Variants in NAV3 observed in about 807,000 individuals in gnomAD.
NAV3 encodes the protein pore membrane and/or filament interacting like protein 1.
In NAV3, 87 loss-of-function variants were observed where a neutral mutation model predicts 244.7. The observed-to-expected ratio is 0.36, with a 90% confidence interval of 0.30 to 0.42. The LOEUF is 0.42. Among genes scored for constraint, NAV3 ranks in the 20% least tolerant of loss-of-function variants. The probability of loss-of-function intolerance (pLI) is 1.00; values close to 1 mark genes in which losing one functional copy is unlikely to be tolerated. For synonymous variants in NAV3, 1,126 were observed against 1,042.2 expected (o/e 1.08, Z -1.55); for missense variants, 2,663 against 2,893.3 (o/e 0.92, Z 1.83).
intron 9 of NAV3, among the ~76,000 whole-genome samples, chr12:78,046,956 T>C (rs751183345): frequency 6.6e-6 from 1 of 152,230 alleles, no homozygotes; most frequent in Non-Finnish European, 1.5e-5. Flanking sequence ...TAGCTTTTCT[T>C]GTTGCATTGA....
chr12:78,086,055 T>TGTATCCTTTC (rs1953619155), intron 12 of NAV3, among the ~76,000 whole-genome samples: 8 of 152,088 alleles, frequency 5.3e-5, no homozygotes, highest in Non-Finnish European at 7.4e-5. Context: ...TTGGGTAAGT[T>TGTATCCTTTC]ACTTCACTTC....
chr12:78,018,860 G>A (rs1047074011), intron 8 of NAV3, among the ~76,000 whole-genome samples: 2 of 152,074 alleles, frequency 1.3e-5, no homozygotes, highest in African/African-American at 2.4e-5. Flanking sequence ...GAGACAATAG[G>A]TTAGGCAAGA....
chr12:77,851,003 A>G (rs1298928082), intron 1 of NAV3, among the ~76,000 whole-genome samples: 4 of 152,182 alleles, frequency 2.6e-5, no homozygotes, highest in Non-Finnish European at 4.4e-5. Flanking sequence ...ACACATAAGA[A>G]CTTTTGGATT....
At chr12:77,711,470 A>G (rs1876109478) in intron 2 of NAV3, among the ~76,000 whole-genome samples, 2 of 152,178 alleles carry the variant, frequency 1.3e-5, no homozygotes, top group Admixed American at 6.5e-5. Flanking sequence ...TAATCTCTTT[A>G]TTGCTGAAAA....
At chr12:77,721,833 T>C (rs916815009) in intron 2 of NAV3, among the ~76,000 whole-genome samples, 2 of 152,052 alleles carry the variant, frequency 1.3e-5, no homozygotes, top group African/African-American at 4.8e-5. Context: ...GTAAAATACA[T>C]GTGTCATTAT....
At chr12:77,821,153 G>A (rs1303240004) in intron 2 of NAV3, among the ~76,000 whole-genome samples, 18 of 151,636 alleles carry the variant, frequency 1.2e-4, no homozygotes, top group Admixed American at 1.2e-3. Flanking sequence ...GTAAAATGCT[G>A]CATGATCTGA....
chr12:78,027,193 T>C (rs143651555), intron 9 of NAV3, among the ~76,000 whole-genome samples: 1 of 152,028 alleles, frequency 6.6e-6, no homozygotes, highest in East Asian at 1.9e-4. Context: ...AGCAGCACTT[T>C]AGGAGACCAA....
intron 2 of NAV3, among the ~76,000 whole-genome samples, chr12:77,700,695 A>G (rs1875522548): frequency 6.6e-6 from 1 of 151,940 alleles, no homozygotes. Flanking sequence ...GTTTTTAATG[A>G]ATGTTCTTTC....
chr12:78,095,075 A>ATATATATATATATATATATATG (rs1566123706), intron 12 of NAV3, among the ~76,000 whole-genome samples: 48 of 146,916 alleles, frequency 3.3e-4, no homozygotes, highest in Non-Finnish European at 5.8e-4. Context: ...ACACACACAC[A>ATATATATATATATATATATATG]CACACACACA....
chr12:78,008,034 G>C (rs1217109483), intron 8 of NAV3, among the ~76,000 whole-genome samples: 1 of 152,110 alleles, frequency 6.6e-6, no homozygotes, highest in Admixed American at 6.5e-5. Flanking sequence ...TATTAACAGA[G>C]GTCATGCATA....
At chr12:77,813,108 C>T (rs1230508450) in intron 2 of NAV3, among the ~76,000 whole-genome samples, 1 of 152,188 alleles carries the variant, frequency 6.6e-6, no homozygotes, top group African/African-American at 2.4e-5. Flanking sequence ...CAGGTGTAAG[C>T]CATCATGCCT....
chr12:78,201,516 G>A (rs1959701110), intron 38 of NAV3, among the ~76,000 whole-genome samples: 2 of 151,678 alleles, frequency 1.3e-5, no homozygotes, highest in African/African-American at 4.8e-5. Context: ...TCTATCTTGA[G>A]GCCCTGCAAC....
chr12:77,906,083 A>G (rs1195374267), intron 1 of NAV3, among the ~76,000 whole-genome samples: 1 of 152,116 alleles, frequency 6.6e-6, no homozygotes. Flanking sequence ...AAAGGTAGAG[A>G]GCTATAGGCA....
intron 1 of NAV3, among the ~76,000 whole-genome samples, chr12:77,873,744 G>GTGTGTGTATATA (rs776225440): frequency 2.7e-5 from 2 of 73,188 alleles, no homozygotes; most frequent in African/African-American, 4.5e-5. Context: ...ATGTGTGTGT[G>GTGTGTGTATATA]TATATATATA....
chr12:77,984,461 A>G lies in NAV3; in HGVS notation c.672-10342A>G, dbSNP rs186768845. On this transcript the variant is annotated intron_variant, in intron 5 of 39. Transcript: ENST00000397909. ...TCATTAGAATATTTACAGTGCCTCC[A>G]GAGACTGTCAAGTATGCATTTTTTT... 7.9e-4 allele frequency among the ~76,000 whole-genome samples: 117 copies of G among 147,968 alleles called. 2 individuals are homozygous for G. In the East Asian group the frequency reaches 0.022, roughly 28 times the overall value.
At chr12:77,865,273 A>C (rs1565869539) in intron 1 of NAV3, among the ~76,000 whole-genome samples, 1 of 152,128 alleles carries the variant, frequency 6.6e-6, no homozygotes, top group Non-Finnish European at 1.5e-5. Flanking sequence ...CTTTAAAGCG[A>C]GAGAAAAGAC....
chr12:78,112,772 C>CA lies in NAV3; in HGVS notation c.2637-3997dup, dbSNP rs201553783. 9.8e-3 allele frequency among the ~76,000 whole-genome samples: 1,484 copies of CA among 152,204 alleles called. 21 individuals are homozygous for CA. Among genetic ancestry groups the CA allele is most frequent in the African/African-American group, 0.033 (1,359 of 41,536 alleles). ...TCCCAAATCTCGTGTTCTCACAATT[C>CA]AAATACAATCATGCCCTTCCAACAG... On this transcript the variant is annotated intron_variant, in intron 12 of 39. Coordinates refer to ENST00000397909, the MANE Select transcript of NAV3 (RefSeq NM_001024383.2).
chr12:77,982,488 AAGTT>A (rs1869760070), intron 5 of NAV3, among the ~76,000 whole-genome samples: 1 of 152,188 alleles, frequency 6.6e-6, no homozygotes, highest in Non-Finnish European at 1.5e-5. Flanking sequence ...TCAGTGATCA[AAGTT>A]AGAGGGAAGG....
intron 1 of NAV3, among the ~76,000 whole-genome samples, chr12:77,857,004 ATC>A (rs1440145863): frequency 2.6e-5 from 4 of 152,154 alleles, no homozygotes; most frequent in African/African-American, 9.6e-5. Flanking sequence ...CATTGAATAA[ATC>A]TGTTACTTTT....
Sources: allele counts gnomAD v4.1 joint callset (sites outside exome capture counted in the v4.1 genomes callset), GRCh38; gene constraint gnomAD v4.1.1; transcripts MANE v1.5; gene names NCBI Gene and HGNC (gene_info 2026-07-23, HGNC 2026-07-21).